The following BANP variants were observed in gnomAD, a reference collection of about 807,000 sequenced individuals.
BANP encodes the protein BTG3 associated nuclear protein.
BANP carries 11 observed loss-of-function variants against 68.1 expected under a neutral mutation model. The observed-to-expected ratio is 0.16, with a 90% CI of 0.10 to 0.27. BANP has a LOEUF of 0.27. BANP is among the 10% of genes least tolerant of loss of function. BANP has a pLI of 1.00. For synonymous variants in BANP, 329 were observed against 303.2 expected (o/e 1.09, Z -0.88); for missense variants, 504 against 722.7 (o/e 0.70, Z 3.47).
Position 88,037,982 on chromosome 16 carries a change from C to G in BANP, c.1282C>G (p.Gln428Glu). Residue 428 changes from glutamine (Q) to glutamate (E), a missense_variant, in exon 11 of 14, where the codon CAG (glutamine) becomes GAG (glutamate). Gln to Glu is a conservative substitution (Grantham distance 29, BLOSUM62 2). Transcript: ENST00000682872. ...QITQDSEGNL[Q>E]IHHVGQDGQL... ...CTCTCGTTCTTTGTAGGGCAACCTC[C>G]AGATCCATCACGTGGGGCAGGACGG... The G allele has an allele frequency of 6.2e-7, 1 of 1,613,900 alleles. No homozygotes were observed. Among genetic ancestry groups the G allele is most frequent in the Non-Finnish European group, 8.5e-7 (1 of 1,179,828 alleles).
At chr16:87,966,021 G>A (rs1031038423) in intron 1 of BANP, among the ~76,000 whole-genome samples, 2 of 152,322 alleles carry the variant, frequency 1.3e-5, no homozygotes, top group East Asian at 1.9e-4. Context: ...ATGACCACAC[G>A]TGGACACCAT....
At chr16:87,972,943 G>A (rs1034957494) in intron 1 of BANP, among the ~76,000 whole-genome samples, 8 of 152,058 alleles carry the variant, frequency 5.3e-5, no homozygotes, top group Non-Finnish European at 8.8e-5. Context: ...TCCTGCAGCT[G>A]CTGCTCTCGG....
chr16:87,969,086 AG>A (rs1415118103), intron 1 of BANP, among the ~76,000 whole-genome samples: 6 of 152,128 alleles, frequency 3.9e-5, no homozygotes, highest in African/African-American at 1.4e-4. Context: ...TGCCCTGCCC[AG>A]TTGATATTCA....
chr16:87,976,824 G>A (rs1478410830), intron 2 of BANP, among the ~76,000 whole-genome samples: 1 of 152,160 alleles, frequency 6.6e-6, no homozygotes, highest in African/African-American at 2.4e-5. Context: ...CTGCTGGTTA[G>A]TTTTCCACAC....
intron 11 of BANP, among the ~76,000 whole-genome samples, chr16:88,056,927 A>G (rs2085198252): frequency 6.6e-6 from 1 of 152,354 alleles, no homozygotes; most frequent in East Asian, 1.9e-4. Context: ...TGAGCCATTT[A>G]AAACTACGGC....
chr16:88,076,918 C>T lies in BANP; in HGVS notation c.*257C>T. ...AGGGGAGGCACGGTGCGGAGAGCGT[C>T]GCATATGCGCGGGAAATCAAGAACT... On this transcript the variant is annotated 3_prime_UTR_variant, in exon 14 of 14. Transcript: ENST00000682872. 4.4e-6 allele frequency: 2 copies of T among 454,948 alleles called. No individual in the cohort carries two copies. The highest frequency in any genetic ancestry group is 3.9e-6 in the Non-Finnish European group (1 of 257,226). The allele number at this position is 454,948 out of a possible 1,614,324, so 28.2% of individuals were successfully genotyped here. A position where few individuals can be genotyped will look rare whatever the true frequency, so the allele number is the denominator to read the frequency against.
rs1048396523 is a variant in BANP at position 88,039,733 on chromosome 16, A to G, written c.1311+1722A>G. ...TTGGCTCCAGCACAGATCTGAGTTC[A>G]GGAAGGACTCGGGGCTGACGTCGGA... On this transcript the variant is annotated intron_variant, in intron 11 of 13. Transcript: ENST00000682872. Among the ~76,000 whole-genome samples the G allele has an allele frequency of 2.7e-4, 39 of 142,810 alleles. 3 individuals carry two copies. The highest frequency in any genetic ancestry group is 9.1e-4 in the African/African-American group (37 of 40,864). 93.7% of individuals were successfully genotyped at this position (142,810 alleles called of 152,430 possible).
intron 11 of BANP, among the ~76,000 whole-genome samples, chr16:88,050,001 C>T (rs941440797): frequency 6.6e-6 from 1 of 152,188 alleles, no homozygotes; most frequent in Non-Finnish European, 1.5e-5. Flanking sequence ...GAACCCTCTT[C>T]AGGAAAGAGC....
chr16:88,015,358 C>A (rs2074292635), intron 6 of BANP, among the ~76,000 whole-genome samples: 1 of 152,188 alleles, frequency 6.6e-6, no homozygotes, highest in African/African-American at 2.4e-5. Flanking sequence ...TCCCCTCTGC[C>A]TGTGCCAGTT....
chr16:88,026,597 CTG>C (rs939601672), intron 7 of BANP, among the ~76,000 whole-genome samples: 3 of 151,942 alleles, frequency 2.0e-5, no homozygotes, highest in African/African-American at 7.3e-5. Flanking sequence ...ATTCTCCAAA[CTG>C]TGTTTACCAG....
At chr16:87,986,275 T>A (rs1301844688) in intron 4 of BANP, among the ~76,000 whole-genome samples, 1 of 152,240 alleles carries the variant, frequency 6.6e-6, no homozygotes, top group Non-Finnish European at 1.5e-5. Context: ...CACTTGTCAC[T>A]TGTCACGTTG....
chr16:87,996,010 C>T (rs1167011684), intron 4 of BANP, among the ~76,000 whole-genome samples: 1 of 152,218 alleles, frequency 6.6e-6, no homozygotes, highest in Non-Finnish European at 1.5e-5. Flanking sequence ...TTAAACTCAT[C>T]TTTGGAGGGC....
intron 8 of BANP, among the ~76,000 whole-genome samples, chr16:88,032,438 G>A (rs1473957359): frequency 6.6e-6 from 1 of 151,842 alleles, no homozygotes; most frequent in East Asian, 2.0e-4. Context: ...GTGACCTCAG[G>A]TGATCTACCT....
chr16:88,072,032 C>G, intron 12 of BANP, 37 bp from the exon 13 acceptor site: 1 of 1,543,728 alleles, frequency 6.5e-7, no homozygotes, highest in Non-Finnish European at 8.7e-7. Context: ...GGGTTGTGGG[C>G]CACGCCGCTG....
intron 11 of BANP, among the ~76,000 whole-genome samples, chr16:88,038,827 A>T (rs1038006590): frequency 6.6e-6 from 1 of 152,166 alleles, no homozygotes; most frequent in African/African-American, 2.4e-5. Context: ...ATCACTGAAG[A>T]ATCTGGGTGA....
intron 11 of BANP, among the ~76,000 whole-genome samples, chr16:88,050,934 G>C (rs895290912): frequency 2.6e-5 from 4 of 152,184 alleles, no homozygotes; most frequent in South Asian, 2.1e-4. Flanking sequence ...CGATCCGCCT[G>C]CCTCAGCCTC....
rs550846539 is a variant in BANP at position 87,957,496 on chromosome 16, G to A, written c.-69+5981G>A. Among the ~76,000 whole-genome samples the A allele has an allele frequency of 8.5e-5, 13 of 152,370 alleles. No homozygotes were observed. Among genetic ancestry groups the A allele is most frequent in the African/African-American group, 3.1e-4 (13 of 41,582 alleles). On this transcript the variant is annotated intron_variant, in intron 1 of 13. Transcript: ENST00000682872. The surrounding 1 kb of genome is among the most constrained non-coding windows in gnomAD (Gnocchi z 4.3). ...GTGGAGTCCTGTCAGGAGACCTGGG[G>A]CGGTTTTGAGGCAAGCTCACGGAGG...
intron 4 of BANP, among the ~76,000 whole-genome samples, chr16:87,995,180 C>T (rs1018036679): frequency 1.3e-5 from 2 of 152,228 alleles, no homozygotes; most frequent in African/African-American, 4.8e-5. Flanking sequence ...GCACAATGGG[C>T]TTGGGAAATG....
At chr16:87,996,834 G>A (rs997258136) in intron 4 of BANP, among the ~76,000 whole-genome samples, 6 of 152,194 alleles carry the variant, frequency 3.9e-5, no homozygotes, top group East Asian at 1.9e-4. Context: ...ATAAAACATG[G>A]CAAACACAAA....
Sources: allele counts gnomAD v4.1 joint callset (sites outside exome capture counted in the v4.1 genomes callset), GRCh38; gene constraint gnomAD v4.1.1; non-coding constraint Gnocchi (gnomAD v3.1); transcripts MANE v1.5; gene names NCBI Gene and HGNC (gene_info 2026-07-23, HGNC 2026-07-21).